MYOM2: variants seen among roughly 807,000 people sequenced by gnomAD.
MYOM2 encodes the protein myomesin-2.
Under a neutral mutation model 187.6 loss-of-function variants are expected in MYOM2, and 254 were observed. The ratio of observed to expected loss-of-function variants is 1.35; its 90% confidence interval spans 1.22 to 1.50. The LOEUF (loss-of-function observed/expected upper bound fraction) is 1.50. Ranked by LOEUF, MYOM2 falls within the 40% of genes most tolerant of loss-of-function variation. The pLI, the probability that MYOM2 is intolerant of heterozygous loss-of-function variation, is 0.00. For synonymous variants in MYOM2, 981 were observed against 753.8 expected (o/e 1.30, Z -4.94); for missense variants, 2,796 against 1,924.0 (o/e 1.45, Z -8.48).
At chr8:2,100,559 T>G in intron 19 of MYOM2, 1 of 320,446 alleles carries the variant, frequency 3.1e-6, no homozygotes, top group Non-Finnish European at 5.9e-6. Flanking sequence ...GAGGGTAACT[T>G]GAGAACCTGT....
intron 32 of MYOM2, among the ~76,000 whole-genome samples, chr8:2,139,076 C>T (rs1027212125): frequency 1.4e-5 from 2 of 146,642 alleles, no homozygotes; most frequent in African/African-American, 5.1e-5. Flanking sequence ...GCACCACCAC[C>T]AGAGACCCGA....
intron 21 of MYOM2, among the ~76,000 whole-genome samples, chr8:2,104,045 G>A (rs1796810813): frequency 6.6e-6 from 1 of 152,150 alleles, no homozygotes; most frequent in Non-Finnish European, 1.5e-5. Context: ...AGCACTTTGG[G>A]TCATCTTCAT....
intron 6 of MYOM2, among the ~76,000 whole-genome samples, chr8:2,061,408 C>T (rs1295912518): frequency 6.6e-6 from 1 of 152,170 alleles, no homozygotes; most frequent in Non-Finnish European, 1.5e-5. Context: ...GCTTCTCTCC[C>T]TCTGTCTGGC....
At chr8:2,072,979 C>T (rs1428348036) in intron 9 of MYOM2, among the ~76,000 whole-genome samples, 2 of 152,214 alleles carry the variant, frequency 1.3e-5, no homozygotes, top group Non-Finnish European at 2.9e-5. Context: ...TTCAGCTGCA[C>T]ACCCCTGTAA....
At chr8:2,131,140 C>T (rs78014877) in intron 32 of MYOM2, among the ~76,000 whole-genome samples, 4,358 of 152,252 alleles carry the variant, frequency 0.029, 192 homozygotes, top group African/African-American at 0.095. Flanking sequence ...ATTAAACACA[C>T]GCCCTGTGGA....
At chr8:2,117,452 T>C (rs757136448) in intron 27 of MYOM2, among the ~76,000 whole-genome samples, 1 of 152,218 alleles carries the variant, frequency 6.6e-6, no homozygotes, top group African/African-American at 2.4e-5. Context: ...TAGGTCAAAC[T>C]GTTGTTTCTT....
chr8:2,095,728 C>A (rs1048539142), intron 17 of MYOM2, among the ~76,000 whole-genome samples: 3 of 152,146 alleles, frequency 2.0e-5, no homozygotes, highest in African/African-American at 4.8e-5. Flanking sequence ...TAGGAGAAGG[C>A]GGTCCGTTTC....
chr8:2,116,146 C>G (rs1797236772), intron 26 of MYOM2, 42 bp downstream of exon 26: 1 of 1,602,480 alleles, frequency 6.2e-7, no homozygotes, highest in African/African-American at 1.3e-5. Flanking sequence ...CAAGATAATT[C>G]AAATGAAATT....
At chr8:2,056,839 C>T (rs938591893) in intron 3 of MYOM2, among the ~76,000 whole-genome samples, 12 of 152,158 alleles carry the variant, frequency 7.9e-5, no homozygotes, top group Admixed American at 2.6e-4. Flanking sequence ...AGCCGTTTAT[C>T]GGATAAATCC....
chr8:2,090,902 A>G (rs943960501), intron 15 of MYOM2, among the ~76,000 whole-genome samples: 4 of 151,470 alleles, frequency 2.6e-5, no homozygotes, highest in Admixed American at 6.6e-5. Flanking sequence ...TGTCTTGGCT[A>G]TTGTGTGAAT....
At chr8:2,076,834 G>C (rs1430307187) in intron 11 of MYOM2, among the ~76,000 whole-genome samples, 1 of 152,200 alleles carries the variant, frequency 6.6e-6, no homozygotes, top group African/African-American at 2.4e-5. Context: ...GTCATCGTTG[G>C]AGCCAGTGGA....
intron 32 of MYOM2, among the ~76,000 whole-genome samples, chr8:2,138,257 C>G (rs900026496): frequency 1.3e-5 from 2 of 152,212 alleles, no homozygotes; most frequent in African/African-American, 4.8e-5. Flanking sequence ...CTCGGCCCGG[C>G]CGGCTCTGGC....
At chr8:2,054,935 A>AACCAAGTACCTGGATAC (rs1818608042) in intron 3 of MYOM2, among the ~76,000 whole-genome samples, 1 of 79,418 alleles carries the variant, frequency 1.3e-5, no homozygotes, top group Non-Finnish European at 3.0e-5. Context: ...TACCTGGATA[A>AACCAAGTACCTGGATAC]TGGGGGAACG....
chr8:2,094,640 A>G (rs1420848327), intron 17 of MYOM2, among the ~76,000 whole-genome samples: 1 of 152,210 alleles, frequency 6.6e-6, no homozygotes, highest in Non-Finnish European at 1.5e-5. Context: ...GGACAGAGCA[A>G]GACTCCGTCT....
Position 2,076,133 on chromosome 8 carries a change from G to C in MYOM2, c.1121-8G>C, listed in dbSNP as rs1180747714. ...ACAGGCGTGTGCCTTTTCTCTCCCT[G>C]CCCCAAGATGCTGACCCGCTGGTCA... On this transcript the variant is annotated splice_region_variant and splice_polypyrimidine_tract_variant and intron_variant, in intron 10 of 36. Coordinates refer to ENST00000262113, the MANE Select transcript of MYOM2 (RefSeq NM_003970.4). 2.5e-6 allele frequency: 4 copies of C among 1,609,562 alleles called. No homozygotes were observed. The highest frequency in any genetic ancestry group is 3.4e-6 in the Non-Finnish European group (4 of 1,178,638).
At chr8:2,047,042 T>C (rs1818333219) in intron 1 of MYOM2, among the ~76,000 whole-genome samples, 1 of 152,166 alleles carries the variant, frequency 6.6e-6, no homozygotes. Context: ...TGGATTTGAG[T>C]TGCTCAACCA....
At chr8:2,065,264 C>G (rs1287024025) in intron 6 of MYOM2, among the ~76,000 whole-genome samples, 1 of 152,126 alleles carries the variant, frequency 6.6e-6, no homozygotes, top group Non-Finnish European at 1.5e-5. Flanking sequence ...AGGCTGGCAG[C>G]TGCAGGTGTG....
At chr8:2,125,494 T>C (rs963750856) in intron 31 of MYOM2, among the ~76,000 whole-genome samples, 2 of 152,178 alleles carry the variant, frequency 1.3e-5, no homozygotes, top group Non-Finnish European at 2.9e-5. Flanking sequence ...TCTGTAACTA[T>C]ATATTTTGAA....
chr8:2,097,054 T>C, intron 18 of MYOM2: 2 of 918,302 alleles, frequency 2.2e-6, no homozygotes, highest in Non-Finnish European at 2.6e-6. Flanking sequence ...GACCCTCATC[T>C]CACACTACAG....
Sources: allele counts gnomAD v4.1 joint callset (sites outside exome capture counted in the v4.1 genomes callset), GRCh38; gene constraint gnomAD v4.1.1; transcripts MANE v1.5; gene names NCBI Gene and HGNC (gene_info 2026-07-23, HGNC 2026-07-21).